ELF2: variants seen among roughly 807,000 people sequenced by gnomAD.
ELF2 encodes the protein E74 like ETS transcription factor 2, also known as ETS-related transcription factor Elf-2.
In ELF2, 11 loss-of-function variants were observed where a neutral mutation model predicts 54.8. That is an observed-to-expected ratio of 0.20 (90% CI 0.13 to 0.33). The LOEUF (loss-of-function observed/expected upper bound fraction) is 0.33. Ranked by LOEUF, ELF2 falls within the 10% of genes least tolerant of loss-of-function variation. ELF2 has a pLI of 1.00. For missense variants in ELF2, 513 were observed against 703.0 expected (o/e 0.73, Z 3.06); for synonymous variants, 203 against 245.1 (o/e 0.83, Z 1.61).
intron 4 of ELF2, among the ~76,000 whole-genome samples, chr4:139,088,380 C>A (rs559868388): frequency 1.3e-5 from 2 of 151,316 alleles, no homozygotes; most frequent in South Asian, 4.2e-4. Context: ...TTAGATTAAC[C>A]AATTTCTTCC....
At chr4:139,075,230 C>T (rs1263142395) in intron 4 of ELF2, among the ~76,000 whole-genome samples, 2 of 152,198 alleles carry the variant, frequency 1.3e-5, no homozygotes, top group African/African-American at 2.4e-5. Flanking sequence ...TCAGGTCCAA[C>T]AGCTTGGGTT....
At chr4:139,063,084 C>A (rs990483691) in intron 7 of ELF2, among the ~76,000 whole-genome samples, 1 of 152,060 alleles carries the variant, frequency 6.6e-6, no homozygotes, top group African/African-American at 2.4e-5. Flanking sequence ...ATGGTGAAAC[C>A]CCATCTCTAC....
chr4:139,057,611 T>C lies in ELF2; in HGVS notation c.*1372A>G, dbSNP rs1438430697. On this transcript the variant is annotated 3_prime_UTR_variant, in exon 10 of 10. Coordinates refer to ENST00000686138, the MANE Select transcript of ELF2 (RefSeq NM_001331036.3). Reference sequence around the variant, plus strand: ...CAAATGGTTTAAAGTGTTTTACAAATATAAATTCTTTAAGTGCAGCCAACT... The same window carrying C: ...CAAATGGTTTAAAGTGTTTTACAAACATAAATTCTTTAAGTGCAGCCAACT... 6.6e-6 allele frequency: 1 copy of C among 152,218 alleles called. No individual in the cohort carries two copies. The highest frequency in any genetic ancestry group is 1.9e-4 in the East Asian group (1 of 5,206). The allele number at this position is 152,218 out of a possible 1,614,324, so 9.4% of individuals were successfully genotyped here.
chr4:139,159,659 G>A (rs1398854645), intron 1 of ELF2, among the ~76,000 whole-genome samples: 1 of 152,172 alleles, frequency 6.6e-6, no homozygotes, highest in African/African-American at 2.4e-5. Context: ...TGAAATGATG[G>A]GATCTGATGC....
rs181933342 is a variant in ELF2, at chr4:139,114,499, G to A, written c.238+10665C>T. Among the ~76,000 whole-genome samples the A allele has an allele frequency of 6.4e-3, 953 of 149,926 alleles. 12 individuals are homozygous for A. Among genetic ancestry groups the A allele is most frequent in the African/African-American group, 0.022 (917 of 40,876 alleles). ...CAGGAGAATCGCTTGAACCCGGGAG[G>A]TTGCAGTGAGCTGAGATCGCGCCAC... is the stretch of plus-strand genomic sequence containing the variant. On this transcript the variant is annotated intron_variant, in intron 4 of 9. Coordinates refer to ENST00000686138, the MANE Select transcript of ELF2 (RefSeq NM_001331036.3).
At chr4:139,128,625 C>A (rs1185234806) in intron 3 of ELF2, among the ~76,000 whole-genome samples, 1 of 150,038 alleles carries the variant, frequency 6.7e-6, no homozygotes, top group Non-Finnish European at 1.5e-5. Flanking sequence ...AGGCTCAAAC[C>A]ATCCTCCCAC....
chr4:139,118,547 G>T (rs1735984105), intron 4 of ELF2, among the ~76,000 whole-genome samples: 1 of 152,164 alleles, frequency 6.6e-6, no homozygotes, highest in South Asian at 2.1e-4. Flanking sequence ...GATTCTATGG[G>T]TCACTGAATT....
At chr4:139,166,606 C>T (rs185912581) in intron 1 of ELF2, among the ~76,000 whole-genome samples, 7 of 152,246 alleles carry the variant, frequency 4.6e-5, no homozygotes, top group East Asian at 1.9e-4. Flanking sequence ...CGGTGGCTCA[C>T]GCCTGTAATC....
At chr4:139,141,904 C>T (rs545683576) in intron 1 of ELF2, among the ~76,000 whole-genome samples, 17 of 152,276 alleles carry the variant, frequency 1.1e-4, no homozygotes, top group Non-Finnish European at 2.1e-4. Flanking sequence ...GCCTCTACTT[C>T]ATTGAAATTA....
chr4:139,059,717 A>C (rs1229904772), intron 9 of ELF2, 110 bp from the exon 10 acceptor site: 6 of 1,307,246 alleles, frequency 4.6e-6, no homozygotes, highest in Non-Finnish European at 5.2e-6. Flanking sequence ...TAGTGCTCCC[A>C]AATTTTACAG....
At chr4:139,073,942 C>T (rs750436435) in intron 4 of ELF2, among the ~76,000 whole-genome samples, 1 of 152,128 alleles carries the variant, frequency 6.6e-6, no homozygotes, top group Non-Finnish European at 1.5e-5. Flanking sequence ...GCCTGACCAA[C>T]ATGGTGAAAC....
At chr4:139,065,029 T>C (rs1728482635) in intron 7 of ELF2, among the ~76,000 whole-genome samples, 1 of 152,244 alleles carries the variant, frequency 6.6e-6, no homozygotes, top group Non-Finnish European at 1.5e-5. Flanking sequence ...TTTTCTTTTT[T>C]TTGCATTTTT....
chr4:139,176,053 T>C (rs1357928055), intron 1 of ELF2, among the ~76,000 whole-genome samples: 2 of 152,090 alleles, frequency 1.3e-5, no homozygotes, highest in African/African-American at 4.8e-5. Context: ...GCTCCTGGGG[T>C]AGAGTCAGCA....
intron 1 of ELF2, among the ~76,000 whole-genome samples, chr4:139,141,108 C>T (rs572784074): frequency 1.8e-4 from 28 of 152,292 alleles, no homozygotes; most frequent in South Asian, 6.2e-4. Flanking sequence ...TTCCCCCTTG[C>T]AGGCTCAACC....
chr4:139,143,312 C>G (rs902798105), intron 1 of ELF2, among the ~76,000 whole-genome samples: 1 of 152,134 alleles, frequency 6.6e-6, no homozygotes, highest in Admixed American at 6.5e-5. Context: ...GCTCTGATCA[C>G]TGATTATTGC....
Position 139,158,647 on chromosome 4 carries a change from T to C in ELF2, c.-252+18320A>G, listed in dbSNP as rs181974053. ...TGGAAACATTTATTGTACAGAACTA[T>C]TGGTGATGGCCTGGATACGGTTTTG... On this transcript the variant is annotated intron_variant, in intron 1 of 9. Transcript: ENST00000686138. Among the ~76,000 whole-genome samples the C allele has an allele frequency of 1.9e-3, 290 of 152,270 alleles. 1 individual carries two copies. The highest frequency in any genetic ancestry group is 3.1e-3 in the Non-Finnish European group (213 of 68,014).
chr4:139,165,890 C>G (rs895998977), intron 1 of ELF2, among the ~76,000 whole-genome samples: 3 of 152,126 alleles, frequency 2.0e-5, no homozygotes, highest in African/African-American at 4.8e-5. Context: ...ATATAAAACT[C>G]TTAGAAATCT....
intron 2 of ELF2, among the ~76,000 whole-genome samples, 171 bp from the exon 3 acceptor site, chr4:139,138,038 A>G (rs1738350567): frequency 6.6e-6 from 1 of 152,254 alleles, no homozygotes; most frequent in African/African-American, 2.4e-5. Context: ...CTTAAGAGTT[A>G]GTAATCAAGT....
intron 1 of ELF2, among the ~76,000 whole-genome samples, chr4:139,154,042 G>A (rs1405529763): frequency 1.3e-5 from 2 of 152,096 alleles, no homozygotes; most frequent in Non-Finnish European, 2.9e-5. Flanking sequence ...CAGCTGTTCT[G>A]TGATTTTTGT....
Sources: allele counts gnomAD v4.1 joint callset (sites outside exome capture counted in the v4.1 genomes callset), GRCh38; gene constraint gnomAD v4.1.1; transcripts MANE v1.5; gene names NCBI Gene and HGNC (gene_info 2026-07-23, HGNC 2026-07-21).